Variants in SPTLC3 observed in about 807,000 individuals in gnomAD.
SPTLC3 encodes serine palmitoyltransferase long chain base subunit 3.
Under a neutral mutation model 59.3 loss-of-function variants are expected in SPTLC3, and 36 were observed. The observed-to-expected ratio is 0.61, with a 90% CI of 0.47 to 0.80. The LOEUF (loss-of-function observed/expected upper bound fraction) is 0.80. Ranked by LOEUF, SPTLC3 falls within the 30% of genes least tolerant of loss-of-function variation. The probability of loss-of-function intolerance (pLI) is 0.00; values close to 1 mark genes in which losing one functional copy is unlikely to be tolerated. For missense variants in SPTLC3, 625 were observed against 685.1 expected (o/e 0.91, Z 0.98); for synonymous variants, 257 against 240.8 (o/e 1.07, Z -0.62).
chr20:13,129,302 T>TA (rs2038066761), intron 9 of SPTLC3, among the ~76,000 whole-genome samples: 1 of 152,194 alleles, frequency 6.6e-6, no homozygotes, highest in Admixed American at 6.5e-5. Context: ...GTGCCTGTCT[T>TA]AAACAGGTAT....
chr20:13,110,097 TGGTA>T lies in SPTLC3; in HGVS notation c.827-14_827-11del, dbSNP rs1600294110. The T allele has an allele frequency of 1.9e-6, 3 of 1,574,134 alleles. No individual in the cohort carries two copies. The highest frequency in any genetic ancestry group is 2.0e-5 in the Admixed American group (1 of 49,698). ...CCTTTCATGACTCAATTTTTTTTTT[TGGTA>T]TTATTTAAAGACACACAAAGCCTAG... On this transcript the variant is annotated splice_polypyrimidine_tract_variant and intron_variant, in intron 6 of 11. Coordinates refer to ENST00000399002, the MANE Select transcript of SPTLC3 (RefSeq NM_018327.4).
intron 2 of SPTLC3, among the ~76,000 whole-genome samples, chr20:13,055,587 T>C (rs180802060): frequency 5.1e-4 from 77 of 152,320 alleles, no homozygotes; most frequent in African/African-American, 1.8e-3. Context: ...ATCTACAATC[T>C]ATTTTCTAAC....
chr20:13,071,521 A>G (rs1177646973), intron 2 of SPTLC3, among the ~76,000 whole-genome samples: 1 of 152,188 alleles, frequency 6.6e-6, no homozygotes, highest in Non-Finnish European at 1.5e-5. Context: ...TTATTTTCAC[A>G]TTGAAAATCA....
At chr20:13,052,498 T>G (rs896945118) in intron 2 of SPTLC3, among the ~76,000 whole-genome samples, 1 of 152,088 alleles carries the variant, frequency 6.6e-6, no homozygotes, top group South Asian at 2.1e-4. Context: ...TGTTGTTTGG[T>G]TTTTTTCACA....
At chr20:13,143,024 G>A (rs796666140) in intron 9 of SPTLC3, among the ~76,000 whole-genome samples, 34 of 152,272 alleles carry the variant, frequency 2.2e-4, no homozygotes, top group African/African-American at 8.2e-4. Flanking sequence ...CTGAAGTTTT[G>A]TGCCCTTTGT....
rs1053090054 is a variant in SPTLC3 at position 13,166,543 on chromosome 20, A to C, written c.*1676A>C. 1 of 152,224 alleles carries C rather than the reference A, an allele frequency of 6.6e-6. No homozygotes were observed. The highest frequency in any genetic ancestry group is 2.4e-5 in the African/African-American group (1 of 41,468). The allele number at this position is 152,224 out of a possible 1,614,324, so 9.4% of individuals were successfully genotyped here. A position where few individuals can be genotyped will look rare whatever the true frequency, so the allele number is the denominator to read the frequency against. On this transcript the variant is annotated 3_prime_UTR_variant, in exon 12 of 12. Coordinates refer to ENST00000399002, the MANE Select transcript of SPTLC3 (RefSeq NM_018327.4). ...TGATAACAAAATTCCAACTTTTCTC[A>C]ATGAAACTGATGCAGTATTATTTGT...
intron 1 of SPTLC3, among the ~76,000 whole-genome samples, chr20:13,028,277 A>C (rs1162425012): frequency 2.0e-5 from 3 of 152,184 alleles, no homozygotes; most frequent in Admixed American, 2.0e-4. Flanking sequence ...TCTCAACAGG[A>C]CCAGAAGTTT....
intron 8 of SPTLC3, among the ~76,000 whole-genome samples, chr20:13,124,236 C>T (rs1345428384): frequency 6.6e-6 from 1 of 152,046 alleles, no homozygotes; most frequent in African/African-American, 2.4e-5. Flanking sequence ...TATCCTCCCT[C>T]CCCTCCTGGA....
rs145796985 is a variant in SPTLC3 at position 13,131,549 on chromosome 20, A to G, written c.1279+4832A>G. 5.9e-3 allele frequency among the ~76,000 whole-genome samples: 898 copies of G among 152,316 alleles called. 5 individuals are homozygous for G. The highest frequency in any genetic ancestry group is 0.01 in the Middle Eastern group (3 of 294). ...CCCTTACTTCTGCAAATTTTCCAATAGCTTTACCCACCCTGGAGTTCTCCC... is the reference window on the plus strand; with the variant it reads ...CCCTTACTTCTGCAAATTTTCCAATGGCTTTACCCACCCTGGAGTTCTCCC... On this transcript the variant is annotated intron_variant, in intron 9 of 11. Transcript: ENST00000399002.
chr20:13,106,778 C>A (rs1346781004), intron 6 of SPTLC3, among the ~76,000 whole-genome samples: 1 of 152,210 alleles, frequency 6.6e-6, no homozygotes, highest in Non-Finnish European at 1.5e-5. Context: ...TGGGCATTTT[C>A]TTTTCCTGTC....
intron 2 of SPTLC3, among the ~76,000 whole-genome samples, chr20:13,068,907 C>T (rs575740224): frequency 3.3e-5 from 5 of 152,240 alleles, no homozygotes; most frequent in African/African-American, 9.6e-5. Flanking sequence ...TGTATCTTGC[C>T]CTCAAAGCAT....
intron 4 of SPTLC3, among the ~76,000 whole-genome samples, chr20:13,087,031 A>T (rs1247986758): frequency 6.6e-6 from 1 of 152,090 alleles, no homozygotes; most frequent in African/African-American, 2.4e-5. Context: ...CCTGACTTCA[A>T]GTAATCCTCC....
chr20:13,092,340 A>C (rs896140608), intron 5 of SPTLC3, among the ~76,000 whole-genome samples: 3 of 152,254 alleles, frequency 2.0e-5, no homozygotes, highest in Non-Finnish European at 4.4e-5. Flanking sequence ...TGGCTGGTTC[A>C]TTGCAAGTAA....
At chr20:13,147,423 T>C (rs996392630) in intron 9 of SPTLC3, among the ~76,000 whole-genome samples, 2 of 152,032 alleles carry the variant, frequency 1.3e-5, no homozygotes, top group African/African-American at 4.8e-5. Flanking sequence ...GGAAACAAAA[T>C]GTCCTGTCTA....
chr20:13,120,871 T>A (rs1337913723), intron 8 of SPTLC3, among the ~76,000 whole-genome samples: 1 of 152,196 alleles, frequency 6.6e-6, no homozygotes, highest in Admixed American at 6.5e-5. Flanking sequence ...AGAGTTTTGC[T>A]GTTTTGCTCA....
At chr20:13,090,461 T>C (rs536600652) in intron 4 of SPTLC3, among the ~76,000 whole-genome samples, 2 of 152,276 alleles carry the variant, frequency 1.3e-5, no homozygotes, top group African/African-American at 2.4e-5. Flanking sequence ...GTGGGAAAAC[T>C]CTGATGGGGT....
intron 9 of SPTLC3, among the ~76,000 whole-genome samples, chr20:13,136,467 G>A (rs1359644379): frequency 2.0e-5 from 3 of 151,772 alleles, no homozygotes; most frequent in Admixed American, 6.6e-5. Flanking sequence ...GGCGGTGGTG[G>A]CAGACACCTG....
At chr20:13,108,948 T>C (rs1990065873) in intron 6 of SPTLC3, among the ~76,000 whole-genome samples, 1 of 152,202 alleles carries the variant, frequency 6.6e-6, no homozygotes, top group Non-Finnish European at 1.5e-5. Context: ...CCTAAGTATT[T>C]CAGTTTCATC....
chr20:13,053,417 G>A (rs4813112), intron 2 of SPTLC3, among the ~76,000 whole-genome samples: 132,647 of 152,110 alleles, frequency 0.87, 57,898 homozygotes, highest in East Asian at 0.92. Flanking sequence ...ACCAAAGGTC[G>A]ATAAATCCAT....
Sources: gnomAD v4.1 joint callset for allele counts (sites outside exome capture counted in the v4.1 genomes callset) on GRCh38, gnomAD v4.1.1 for gene constraint, MANE v1.5 for transcripts, NCBI Gene and HGNC (gene_info 2026-07-23, HGNC 2026-07-21) for gene names.